CPNE8: variants seen among roughly 807,000 people sequenced by gnomAD.
The protein encoded by CPNE8 is copine 8.
A neutral mutation model predicts 81.5 loss-of-function variants in CPNE8; 45 were observed. The observed-to-expected ratio is 0.55, with a 90% CI of 0.44 to 0.71. The LOEUF (loss-of-function observed/expected upper bound fraction) is 0.71. Among genes scored for constraint, CPNE8 ranks in the 30% least tolerant of loss-of-function variants. CPNE8 has a pLI of 0.00. For missense variants in CPNE8, 594 were observed against 672.1 expected, an observed-to-expected ratio of 0.88 and a Z score of 1.28; for synonymous variants, 252 against 226.3, an observed-to-expected ratio of 1.11 and a Z score of -1.02.
chr12:38,701,718 T>A (rs1939953323), intron 14 of CPNE8, among the ~76,000 whole-genome samples: 3 of 152,190 alleles, frequency 2.0e-5, no homozygotes, highest in Admixed American at 2.0e-4. Flanking sequence ...GGTCTCAAAC[T>A]ACTGACCTCA....
intron 10 of CPNE8, among the ~76,000 whole-genome samples, chr12:38,745,048 C>T (rs1565594738): frequency 1.3e-5 from 2 of 152,170 alleles, no homozygotes; most frequent in Admixed American, 6.5e-5. Context: ...GAAAGTTTCT[C>T]GGAGATTCCA....
intron 10 of CPNE8, among the ~76,000 whole-genome samples, chr12:38,752,160 T>C (rs1460835647): frequency 6.6e-6 from 1 of 152,176 alleles, no homozygotes; most frequent in Non-Finnish European, 1.5e-5. Flanking sequence ...CTAGTGACAA[T>C]GGAGGCAACA....
intron 13 of CPNE8, among the ~76,000 whole-genome samples, chr12:38,708,769 G>A (rs1432942286): frequency 1.3e-5 from 2 of 152,152 alleles, no homozygotes; most frequent in Non-Finnish European, 2.9e-5. Context: ...GTATATATGT[G>A]AGTATCAAAG....
chr12:38,816,024 C>G lies in CPNE8; in HGVS notation c.407+13355G>C, dbSNP rs142131295. 7.1e-3 allele frequency among the ~76,000 whole-genome samples: 1,077 copies of G among 152,202 alleles called. 40 individuals are homozygous for G. Among genetic ancestry groups the G allele is most frequent in the Admixed American group, 0.064 (977 of 15,294 alleles). On this transcript the variant is annotated intron_variant, in intron 6 of 19. Transcript: ENST00000331366. Reference sequence around the variant, plus strand: ...GCTCTGATAACTTAGGTCTATCTATCTATCCATCTACAGAAATATGAGGTT... The same window carrying G: ...GCTCTGATAACTTAGGTCTATCTATGTATCCATCTACAGAAATATGAGGTT...
At chr12:38,712,371 A>C (rs1330808306) in intron 13 of CPNE8, among the ~76,000 whole-genome samples, 2 of 151,900 alleles carry the variant, frequency 1.3e-5, no homozygotes, top group Admixed American at 6.6e-5. Flanking sequence ...CACCACACCC[A>C]ACTATTATAT....
At chr12:38,856,520 A>G (rs1439960848) in intron 3 of CPNE8, among the ~76,000 whole-genome samples, 4 of 152,150 alleles carry the variant, frequency 2.6e-5, no homozygotes, top group Admixed American at 1.3e-4. Context: ...TATAATCCTC[A>G]CTAGCTAGAC....
intron 13 of CPNE8, among the ~76,000 whole-genome samples, chr12:38,709,795 T>C (rs1462616733): frequency 1.3e-5 from 2 of 152,192 alleles, no homozygotes; most frequent in African/African-American, 4.8e-5. Context: ...TACCAATCTG[T>C]TCAACCCAAA....
At chr12:38,897,712 G>A (rs1380392355) in intron 1 of CPNE8, among the ~76,000 whole-genome samples, 3 of 151,582 alleles carry the variant, frequency 2.0e-5, no homozygotes, top group Non-Finnish European at 2.9e-5. Context: ...GAATATAAAT[G>A]TGATGCTATA....
At chr12:38,819,961 C>A (rs1943087526) in intron 6 of CPNE8, among the ~76,000 whole-genome samples, 1 of 151,806 alleles carries the variant, frequency 6.6e-6, no homozygotes, top group Non-Finnish European at 1.5e-5. Flanking sequence ...CATTTTGAAT[C>A]CTAGAATCAT....
intron 19 of CPNE8, among the ~76,000 whole-genome samples, chr12:38,657,989 CT>C (rs1938861352): frequency 6.6e-6 from 1 of 152,166 alleles, no homozygotes; most frequent in South Asian, 2.1e-4. Flanking sequence ...AGCGCCACTT[CT>C]CCACCAAAAG....
intron 11 of CPNE8, among the ~76,000 whole-genome samples, chr12:38,725,315 C>A (rs1037578669): frequency 6.6e-6 from 1 of 152,164 alleles, no homozygotes; most frequent in African/African-American, 2.4e-5. Context: ...TTTAAAGGAT[C>A]TATTGACCTC....
intron 10 of CPNE8, among the ~76,000 whole-genome samples, chr12:38,737,582 T>C (rs1024699711): frequency 2.6e-5 from 4 of 152,184 alleles, no homozygotes; most frequent in African/African-American, 7.2e-5. Flanking sequence ...CCTGAGTTCA[T>C]TAGGTAAAGT....
At chr12:38,887,424 C>T (rs17126743) in intron 1 of CPNE8, among the ~76,000 whole-genome samples, 6,046 of 152,118 alleles carry the variant, frequency 0.04, 435 homozygotes, top group East Asian at 0.32. Flanking sequence ...CCTTATATGC[C>T]TCTAAATAAA....
chr12:38,891,907 AAAACAAATAGATATTTTT>A (rs1413240956), intron 1 of CPNE8, among the ~76,000 whole-genome samples: 4 of 152,270 alleles, frequency 2.6e-5, no homozygotes, highest in African/African-American at 4.8e-5. Context: ...AATCAATGAT[AAAACAAATAGATATTTTT>A]AAACTTGGTT....
chr12:38,738,034 G>T (rs148491753), intron 10 of CPNE8, among the ~76,000 whole-genome samples: 119 of 152,212 alleles, frequency 7.8e-4, no homozygotes, highest in African/African-American at 2.8e-3. Flanking sequence ...TTGCCAACAG[G>T]CATCATAATT....
rs576361327 is a variant in CPNE8 at position 38,723,168 on chromosome 12, A to T, written c.914+604T>A. Reference sequence around the variant, plus strand: ...CTTGGTAAGGTTAAGAAAAGGAAGAAATAGGTTAAAATGAGAAGCAAAATT... The same window carrying T: ...CTTGGTAAGGTTAAGAAAAGGAAGATATAGGTTAAAATGAGAAGCAAAATT... On this transcript the variant is annotated intron_variant, in intron 13 of 19. Coordinates refer to ENST00000331366, the MANE Select transcript of CPNE8 (RefSeq NM_153634.3). 1.2e-3 allele frequency among the ~76,000 whole-genome samples: 178 copies of T among 152,278 alleles called. 1 individual carries two copies. Among genetic ancestry groups the T allele is most frequent in the African/African-American group, 4.1e-3 (172 of 41,556 alleles).
chr12:38,686,503 T>C (rs1254741794), intron 15 of CPNE8, among the ~76,000 whole-genome samples: 1 of 152,222 alleles, frequency 6.6e-6, no homozygotes, highest in Non-Finnish European at 1.5e-5. Context: ...CAAGACCATG[T>C]ATTAGTTATC....
chr12:38,750,209 T>C (rs1038811380), intron 10 of CPNE8, among the ~76,000 whole-genome samples: 1 of 152,190 alleles, frequency 6.6e-6, no homozygotes, highest in African/African-American at 2.4e-5. Flanking sequence ...GAATTGAGGT[T>C]TGGGAACCTC....
intron 5 of CPNE8, among the ~76,000 whole-genome samples, chr12:38,829,772 G>T (rs11829742): frequency 1.3e-5 from 2 of 152,102 alleles, no homozygotes; most frequent in East Asian, 3.8e-4. Context: ...GCTTAACTTC[G>T]GATGCCTCTG....
Sources: allele counts gnomAD v4.1 joint callset (sites outside exome capture counted in the v4.1 genomes callset), GRCh38; gene constraint gnomAD v4.1.1; transcripts MANE v1.5; gene names NCBI Gene and HGNC (gene_info 2026-07-23, HGNC 2026-07-21).